BAG5: variants seen among roughly 807,000 people sequenced by gnomAD.
The protein encoded by BAG5 is BAG cochaperone 5, also known as BAG family molecular chaperone regulator 5.
A neutral mutation model predicts 31.8 loss-of-function variants in BAG5; 25 were observed. The observed-to-expected ratio is 0.79, with a 90% CI of 0.57 to 1.10. The LOEUF (loss-of-function observed/expected upper bound fraction) is 1.10. Among genes scored for constraint, BAG5 ranks in the 50% least tolerant of loss-of-function variants. The pLI, the probability that BAG5 is intolerant of heterozygous loss-of-function variation, is 0.00. For synonymous variants in BAG5, 208 were observed against 205.0 expected, an observed-to-expected ratio of 1.01 and a Z score of -0.13; for missense variants, 491 against 527.9, an observed-to-expected ratio of 0.93 and a Z score of 0.68.
rs2076060550 is a variant in BAG5, at chr14:103,560,032, T to A, written c.1133A>T (p.Glu378Val). 6.2e-7 allele frequency: 1 copy of A among 1,614,190 alleles called. No homozygotes were observed. Among genetic ancestry groups the A allele is most frequent in the Non-Finnish European group, 8.5e-7 (1 of 1,180,040 alleles). ...AAATGAAAGAACTTCTCCCTGGATC[T>A]CAGACAAGTTTCCAAGGACGTTCCA... ...AVWNVLGNLS[E>V]IQGEVLSFDG... The change falls in exon 2 of 2, where the codon GAG becomes GTG. Residue 378 changes from glutamate (E) to valine (V), a missense_variant. Physicochemically the swap from Glu to Val is moderately radical, Grantham distance 121 (BLOSUM62 -2). Coordinates refer to ENST00000299204, the MANE Select transcript of BAG5 (RefSeq NM_001015048.3).
intron 1 of BAG5, 28 bp from the exon 2 acceptor site, chr14:103,561,220 C>T (rs11625397): frequency 0.62 from 963,875 of 1,557,552 alleles, 301,652 homozygotes; most frequent in Non-Finnish European, 0.65. Flanking sequence ...TGATAACTTA[C>T]TACAGCACAA....
In BAG5 at chr14:103,561,474, C is replaced by T. The variant is rs1354471309; in HGVS notation, c.-28-282G>A. ...TGGGATTAAGGTGTGAGTCACCGTA[C>T]GCGACACAAACTATTTGGAACCAGC... On this transcript the variant is annotated intron_variant, in intron 1 of 1. Coordinates refer to ENST00000299204, the MANE Select transcript of BAG5 (RefSeq NM_001015048.3). Among the ~76,000 whole-genome samples, 4 of 152,082 alleles carry T rather than the reference C, an allele frequency of 2.6e-5. No homozygotes were observed. The South Asian group carries it at 8.3e-4, about 32-fold the overall frequency.
Position 103,559,643 on chromosome 14 carries a change from C to A in BAG5, c.*178G>T. 1.4e-6 allele frequency: 1 copy of A among 693,956 alleles called. No individual in the cohort carries two copies. 43.0% of individuals were successfully genotyped at this position (693,956 alleles called of 1,614,324 possible). On this transcript the variant is annotated 3_prime_UTR_variant, in exon 2 of 2. Coordinates refer to ENST00000299204, the MANE Select transcript of BAG5 (RefSeq NM_001015048.3). The stretch of plus-strand genomic sequence containing the variant: ...ATAATGATCCGAATGGAAAAGTTAA[C>A]GTGCTGTAATGATATTTGTCTTGCA...
intron 1 of BAG5, chr14:103,562,194 G>A (rs539738142): frequency 7.2e-5 from 43 of 599,778 alleles, no homozygotes; most frequent in Non-Finnish European, 1.3e-4. Context: ...CACCGGAGCT[G>A]GGCCCCCAGC....
rs751959216 is a variant in BAG5, at chr14:103,556,814, C to T, written c.*3007G>A. The T allele has an allele frequency of 6.6e-6, 1 of 151,796 alleles. No individual in the cohort carries two copies. Among genetic ancestry groups the T allele is most frequent in the Non-Finnish European group, 1.5e-5 (1 of 67,946 alleles). The allele number at this position is 151,796 out of a possible 1,614,324, so 9.4% of individuals were successfully genotyped here. On this transcript the variant is annotated 3_prime_UTR_variant, in exon 2 of 2. Coordinates refer to ENST00000299204, the MANE Select transcript of BAG5 (RefSeq NM_001015048.3). ...TGTGCTCAAAAAAAAAATAAAAAAA[C>T]CCAAAACCTTGCATGCACAAGCTAA...
rs749528440 is a variant in BAG5 at position 103,562,037 on chromosome 14, C to T, written c.-29+579G>A. On this transcript the variant is annotated intron_variant, in intron 1 of 1. Transcript: ENST00000299204. ...TATCCCCGGCGGATGTCCTGGAGGC[C>T]ACGGAGGGAAGGCGGCCCGAGCTGC... is the stretch of plus-strand genomic sequence containing the variant. 2.0e-6 allele frequency: 3 copies of T among 1,528,272 alleles called. No homozygotes were observed. In the East Asian group the frequency reaches 6.7e-5, roughly 34 times the overall value. The allele number at this position is 1,528,272 out of a possible 1,614,324, so 94.7% of individuals were successfully genotyped here.
rs972329117 is a variant in BAG5 at position 103,561,744 on chromosome 14, C to G, written c.-28-552G>C. ...CACATCTTCCCTCACAGAAGTCTCC[C>G]TGAAGAGATTAAAACCCCACAGGTA... On this transcript the variant is annotated intron_variant, in intron 1 of 1. Coordinates refer to ENST00000299204, the MANE Select transcript of BAG5 (RefSeq NM_001015048.3). The G allele has an allele frequency of 9.8e-6, 6 of 609,408 alleles. No individual in the cohort carries two copies. The African/African-American group carries it at 1.1e-4, about 11-fold the overall frequency. 37.8% of individuals were successfully genotyped at this position (609,408 alleles called of 1,614,324 possible). A position where few individuals can be genotyped will look rare whatever the true frequency, so the allele number is the denominator to read the frequency against.
Position 103,558,220 on chromosome 14 carries a change from A to G in BAG5, c.*1601T>C, listed in dbSNP as rs1167263501. The G allele has an allele frequency of 2.6e-5, 4 of 152,188 alleles. No homozygotes were observed. The highest frequency in any genetic ancestry group is 5.9e-5 in the Non-Finnish European group (4 of 68,040). The allele number at this position is 152,188 out of a possible 1,614,324, so 9.4% of individuals were successfully genotyped here. ...CGATTCTAGAACATTTCTAGTAGGA[A>G]AGACATAGCAAGGGATTTTCATGAT... On this transcript the variant is annotated 3_prime_UTR_variant, in exon 2 of 2. Transcript: ENST00000299204.
chr14:103,559,805 T>C lies in BAG5; in HGVS notation c.*16A>G, dbSNP rs759285906. The C allele has an allele frequency of 1.2e-5, 20 of 1,606,006 alleles. No individual in the cohort carries two copies. The South Asian group carries it at 2.0e-4, about 16-fold the overall frequency. On this transcript the variant is annotated 3_prime_UTR_variant, in exon 2 of 2. Coordinates refer to ENST00000299204, the MANE Select transcript of BAG5 (RefSeq NM_001015048.3). ...ATGAAGTGCAAAACAGTATCAAAAGTGAGATCTCTGGTATTTCAGTACTCC... is the reference window on the plus strand; with the variant it reads ...ATGAAGTGCAAAACAGTATCAAAAGCGAGATCTCTGGTATTTCAGTACTCC...
Position 103,559,591 on chromosome 14 carries a change from C to A in BAG5, c.*230G>T. On this transcript the variant is annotated 3_prime_UTR_variant, in exon 2 of 2. Coordinates refer to ENST00000299204, the MANE Select transcript of BAG5 (RefSeq NM_001015048.3). ...TTAAAAACGCAAAAAAAAGGACAAA[C>A]CAAACAAACCACACCACATCATACA... The A allele has an allele frequency of 4.1e-6, 2 of 493,638 alleles. No homozygotes were observed. Among genetic ancestry groups the A allele is most frequent in the Non-Finnish European group, 6.8e-6 (2 of 295,840 alleles). 30.6% of individuals were successfully genotyped at this position (493,638 alleles called of 1,614,324 possible).
At chr14:103,561,751 G>A in intron 1 of BAG5, 3 of 610,766 alleles carry the variant, frequency 4.9e-6, no homozygotes, top group Non-Finnish European at 8.7e-6. Context: ...TCCCTGAAGA[G>A]ATTAAAACCC....
At chr14:103,562,018 C>T (rs1208875511) in intron 1 of BAG5, 2 of 1,601,180 alleles carry the variant, frequency 1.2e-6, no homozygotes, top group South Asian at 2.2e-5. Flanking sequence ...AATCTATCCC[C>T]GGCGGATGTC....
Position 103,559,673 on chromosome 14 carries a change from C to G in BAG5, c.*148G>C. On this transcript the variant is annotated 3_prime_UTR_variant, in exon 2 of 2. Coordinates refer to ENST00000299204, the MANE Select transcript of BAG5 (RefSeq NM_001015048.3). ...TGTAATGATATTTGTCTTGCAACAT[C>G]AAAAGCAGCAGATACTGAATAGAAT... 1.1e-6 allele frequency: 1 copy of G among 899,042 alleles called. No homozygotes were observed. The highest frequency in any genetic ancestry group is 1.7e-6 in the Non-Finnish European group (1 of 604,880). The allele number at this position is 899,042 out of a possible 1,614,324, so 55.7% of individuals were successfully genotyped here. A position where few individuals can be genotyped will look rare whatever the true frequency, so the allele number is the denominator to read the frequency against.
At chr14:103,562,085 C>G (rs2076081713) in intron 1 of BAG5, 1 of 956,388 alleles carries the variant, frequency 1.0e-6, no homozygotes, top group Non-Finnish European at 1.7e-6. Flanking sequence ...TCGCCCTTCC[C>G]TCTTGGCCCT....
chr14:103,560,676 G>C lies in BAG5; in HGVS notation c.489C>G (p.Ile163Met), dbSNP rs375755201. The C allele has an allele frequency of 1.2e-6, 2 of 1,613,998 alleles. No individual in the cohort carries two copies. The highest frequency in any genetic ancestry group is 1.7e-6 in the Non-Finnish European group (2 of 1,180,028). The change falls in exon 2 of 2, where the codon ATC becomes ATG. Residue 163 changes from isoleucine to methionine, a missense_variant. Transcript: ENST00000299204. ...AAGGCTGCTTTTTCATGCAGTCTTC[G>C]ATTATCTCTTGCACCGCACAGATTT... ...LTKICAVQEI[I>M]EDCMKKQPSL...
intron 1 of BAG5, chr14:103,561,882 C>T (rs761447421): frequency 6.6e-7 from 1 of 1,515,886 alleles, no homozygotes; most frequent in East Asian, 2.3e-5. Context: ...CCCGCGAAAA[C>T]GTGGTAACTA....
At position 103,559,910 on chromosome 14, in the gene BAG5, T is replaced by G. The variant is rs2076059440; in HGVS notation, c.1255A>C (p.Lys419Gln). The change falls in exon 2 of 2, where the codon AAG becomes CAG. Residue 419 changes from lysine to glutamine, a missense_variant. Coordinates refer to ENST00000299204, the MANE Select transcript of BAG5 (RefSeq NM_001015048.3). Reference sequence around the variant, plus strand: ...GCTTGTTTCCTGGCAGCCTTACACTTCTCTTCTCCCTGCGGATCAACAGCA... The same window carrying G: ...GCTTGTTTCCTGGCAGCCTTACACTGCTCTTCTCCCTGCGGATCAACAGCA... ...LDAVDPQGEE[K>Q]CKAARKQAVR... The G allele has an allele frequency of 6.2e-7, 1 of 1,613,760 alleles. No homozygotes were observed. Among genetic ancestry groups the G allele is most frequent in the Admixed American group, 1.7e-5 (1 of 60,006 alleles).
Position 103,558,870 on chromosome 14 carries a change from T to C in BAG5, c.*951A>G, listed in dbSNP as rs1321536068. On this transcript the variant is annotated 3_prime_UTR_variant, in exon 2 of 2. Transcript: ENST00000299204. Reference sequence around the variant, plus strand: ...GGGGAGGTGTGACAAGGCTGTCCATTTTACAGCCTTGGACAACAGAAGAGA... The same window carrying C: ...GGGGAGGTGTGACAAGGCTGTCCATCTTACAGCCTTGGACAACAGAAGAGA... 6.6e-6 allele frequency: 1 copy of C among 152,230 alleles called. No individual in the cohort carries two copies. Among genetic ancestry groups the C allele is most frequent in the Non-Finnish European group, 1.5e-5 (1 of 68,042 alleles). The allele number at this position is 152,230 out of a possible 1,614,324, so 9.4% of individuals were successfully genotyped here.
intron 1 of BAG5, among the ~76,000 whole-genome samples, chr14:103,561,563 G>A (rs2076074803): frequency 1.3e-5 from 2 of 152,024 alleles, no homozygotes; most frequent in South Asian, 4.2e-4. Context: ...ACAGTACCCC[G>A]CCCCGCCACA....
Sources: gnomAD v4.1 joint callset for allele counts (sites outside exome capture counted in the v4.1 genomes callset) on GRCh38, gnomAD v4.1.1 for gene constraint, MANE v1.5 for transcripts, NCBI Gene and HGNC (gene_info 2026-07-23, HGNC 2026-07-21) for gene names.